The following DOK7 variants were observed in gnomAD, a reference collection of about 807,000 sequenced individuals.
DOK7 encodes docking protein 7.
In DOK7, 32 loss-of-function variants were observed where a neutral mutation model predicts 30.7. The observed-to-expected ratio is 1.04, with a 90% CI of 0.79 to 1.40. The LOEUF (loss-of-function observed/expected upper bound fraction) is 1.40, where lower values mean the gene tolerates loss of function less well. Among genes scored for constraint, DOK7 ranks in the 40% most tolerant of loss-of-function variants. The pLI is 0.00. For missense variants in DOK7, 1,007 were observed against 699.2 expected, an observed-to-expected ratio of 1.44 and a Z score of -4.97; for synonymous variants, 447 against 324.1, an observed-to-expected ratio of 1.38 and a Z score of -4.07.
intron 6 of DOK7, among the ~76,000 whole-genome samples, chr4:3,491,039 ATTCC>A (rs138486968): frequency 0.23 from 8,383 of 35,822 alleles, 562 homozygotes; most frequent in Middle Eastern, 0.28. Context: ...CTTCCCCCCC[ATTCC>A]TTCCTTTCTT....
chr4:3,498,704 G>A (rs1006564334), downstream of DOK7, among the ~76,000 whole-genome samples: 1 of 152,190 alleles, frequency 6.6e-6, no homozygotes, highest in African/African-American at 2.4e-5. Context: ...GTCCCTGCTG[G>A]CCCAGGTGCC....
In DOK7 at chr4:3,468,368, CTGTG is replaced by C. The variant is rs201551612; in HGVS notation, c.100+4822_100+4825del. On this transcript the variant is annotated intron_variant, in intron 2 of 6. Transcript: ENST00000340083. ...CAAATGCTTGTCTGTGTGCGTGTGTCTGTGTGTGCAAGTGTGTGCCGGTGTCTGC... is the reference window on the plus strand; with the variant it reads ...CAAATGCTTGTCTGTGTGCGTGTGTCTGTGCAAGTGTGTGCCGGTGTCTGC... 6.5e-3 allele frequency among the ~76,000 whole-genome samples: 961 copies of C among 148,610 alleles called. 9 individuals carry two copies. The highest frequency in any genetic ancestry group is 0.022 in the African/African-American group (901 of 40,144).
In DOK7 at chr4:3,485,564, G is replaced by A. The variant is rs1387030428; in HGVS notation, c.558G>A (p.Ser186=). 1.0e-5 allele frequency: 16 copies of A among 1,605,374 alleles called. No individual in the cohort carries two copies. Among genetic ancestry groups the A allele is most frequent in the Admixed American group, 1.7e-5 (1 of 59,462 alleles). The change falls in exon 5 of 7, where the codon TCG becomes TCA. Residue 186 remains serine (S), a synonymous_variant. Coordinates refer to ENST00000340083, the MANE Select transcript of DOK7 (RefSeq NM_173660.5). ...GYWAGVFFLS[S]AEGEQISFLF... is the part of the protein sequence containing the mutation. ...GGGCTGGCGTCTTCTTCCTGTCCTC[G>A]GCCGAGGGGGAGCAGATCAGCTTCC...
chr4:3,465,033 C>T (rs1429373445), intron 2 of DOK7, among the ~76,000 whole-genome samples: 1 of 152,142 alleles, frequency 6.6e-6, no homozygotes, highest in Admixed American at 6.5e-5. Flanking sequence ...GGTGCCATGC[C>T]CCCTCTGGGT....
At chr4:3,482,515 C>A (rs1727494411) in intron 4 of DOK7, among the ~76,000 whole-genome samples, 1 of 152,244 alleles carries the variant, frequency 6.6e-6, no homozygotes, top group African/African-American at 2.4e-5. Context: ...GAGAGCATCC[C>A]TCATGCCACT....
Position 3,494,077 on chromosome 4 carries a change from CTCTGGGT to C in DOK7, c.*583_*589del. On this transcript the variant is annotated 3_prime_UTR_variant, in exon 7 of 7. Coordinates refer to ENST00000340083, the MANE Select transcript of DOK7 (RefSeq NM_173660.5). ...CAGGAGGCTGTGTGGCTTGCGGGGT[CTCTGGGT>C]TCTGGGCCCCACTGTTCCCCAGTGA... The C allele has an allele frequency of 2.0e-6, 2 of 986,794 alleles. No homozygotes were observed. The highest frequency in any genetic ancestry group is 1.2e-6 in the Non-Finnish European group (1 of 830,972). The allele number at this position is 986,794 out of a possible 1,614,324, so 61.1% of individuals were successfully genotyped here.
chr4:3,489,657 G>T lies in DOK7; in HGVS notation c.653-20G>T, dbSNP rs185980724. On this transcript the variant is annotated intron_variant, in intron 5 of 6. Transcript: ENST00000340083. Reference sequence around the variant, plus strand: ...GGCGGTGGTGGCCACCTCCTCCACCGAGTCTTCTCTCTGCCACAGACCCAA... The same window carrying T: ...GGCGGTGGTGGCCACCTCCTCCACCTAGTCTTCTCTCTGCCACAGACCCAA... The T allele has an allele frequency of 4.3e-4, 678 of 1,562,540 alleles. 2 individuals carry two copies. The highest frequency in any genetic ancestry group is 2.0e-3 in the Admixed American group (105 of 52,960).
At chr4:3,497,220 C>T (rs1728957030), downstream of DOK7, among the ~76,000 whole-genome samples, 2 of 151,904 alleles carry the variant, frequency 1.3e-5, no homozygotes, top group South Asian at 4.2e-4. Flanking sequence ...GAGTGTGGAC[C>T]TGTTCCTGGG....
intron 4 of DOK7, among the ~76,000 whole-genome samples, chr4:3,478,324 T>C (rs1050351009): frequency 6.6e-6 from 1 of 152,202 alleles, no homozygotes; most frequent in Admixed American, 6.5e-5. Flanking sequence ...TGGCCCCTTT[T>C]CCGCTGGTAA....
intron 5 of DOK7, among the ~76,000 whole-genome samples, chr4:3,489,449 C>T (rs1163498599): frequency 6.6e-6 from 1 of 152,136 alleles, no homozygotes; most frequent in Admixed American, 6.5e-5. Flanking sequence ...CAGGGCCATC[C>T]ACGGGCACAG....
At chr4:3,476,592 C>A in intron 4 of DOK7, 50 bp downstream of exon 4, 1 of 1,609,342 alleles carries the variant, frequency 6.2e-7, no homozygotes, top group South Asian at 1.1e-5. Context: ...CCCCCCACTT[C>A]CCCTGAGAAC....
At chr4:3,469,136 CGTGT>C (rs1209015309) in intron 2 of DOK7, among the ~76,000 whole-genome samples, 8 of 140,956 alleles carry the variant, frequency 5.7e-5, no homozygotes, top group African/African-American at 1.1e-4. Context: ...TGTGTGTGTG[CGTGT>C]ATGTGTCTGT....
exon 8 of DOK7, chr4:3,501,117 G>A: frequency 2.1e-6 from 1 of 481,986 alleles, no homozygotes; most frequent in Non-Finnish European, 3.6e-6. Context: ...GGTAGCTGCT[G>A]TGGCATCTCA....
intron 4 of DOK7, among the ~76,000 whole-genome samples, chr4:3,480,943 T>C (rs1239792856): frequency 6.6e-6 from 1 of 152,096 alleles, no homozygotes; most frequent in Non-Finnish European, 1.5e-5. Flanking sequence ...GGAAGCTCTC[T>C]GGAGGGGCGA....
chr4:3,498,851 G>C (rs929617369), downstream of DOK7, among the ~76,000 whole-genome samples: 2 of 152,264 alleles, frequency 1.3e-5, no homozygotes, highest in Non-Finnish European at 2.9e-5. Flanking sequence ...GGGCCAGGCA[G>C]GGTTGGGGCA....
At chr4:3,483,735 G>A (rs71608282) in intron 4 of DOK7, among the ~76,000 whole-genome samples, 362 of 152,350 alleles carry the variant, frequency 2.4e-3, no homozygotes, top group Non-Finnish European at 3.9e-3. Context: ...CTGGCCTTTC[G>A]TGAGAGCTGG....
intron 4 of DOK7, among the ~76,000 whole-genome samples, chr4:3,479,017 A>G (rs1727285148): frequency 6.6e-6 from 1 of 152,108 alleles, no homozygotes. Context: ...GGGCTTCTGT[A>G]GCAGATGACC....
chr4:3,468,503 C>T (rs1020290554), intron 2 of DOK7, among the ~76,000 whole-genome samples: 4 of 102,572 alleles, frequency 3.9e-5, no homozygotes, highest in East Asian at 4.8e-4. Context: ...TGTGCATGTG[C>T]GTGTGTGCGT....
chr4:3,497,002 G>C, downstream of DOK7: 1 of 909,676 alleles, frequency 1.1e-6, no homozygotes, highest in Non-Finnish European at 1.6e-6. Flanking sequence ...TGTGGGCAAT[G>C]TGGTGAAAGT....
Sources: gnomAD v4.1 joint callset for allele counts (sites outside exome capture counted in the v4.1 genomes callset) on GRCh38, gnomAD v4.1.1 for gene constraint, MANE v1.5 for transcripts, NCBI Gene and HGNC (gene_info 2026-07-23, HGNC 2026-07-21) for gene names.